CES5A: variants seen among roughly 807,000 people sequenced by gnomAD.
The protein encoded by CES5A is carboxylesterase 5A, also known as carboxylesterase 5.
CES5A carries 67 observed loss-of-function variants against 62.9 expected under a neutral mutation model. That is an observed-to-expected ratio of 1.07 (90% CI 0.88 to 1.31). The LOEUF (loss-of-function observed/expected upper bound fraction) is 1.31. Ranked by LOEUF, CES5A falls within the 50% of genes most tolerant of loss-of-function variation. CES5A has a pLI of 0.00. For synonymous variants in CES5A, 296 were observed against 280.8 expected (o/e 1.05, Z -0.54); for missense variants, 748 against 708.5 (o/e 1.06, Z -0.63).
chr16:55,913,843 C>A (rs1253134403), intron 1 of CES5A, among the ~76,000 whole-genome samples: 2 of 152,140 alleles, frequency 1.3e-5, no homozygotes, highest in Non-Finnish European at 2.9e-5. Flanking sequence ...GCATCTACTG[C>A]CATATGGTGC....
chr16:55,953,948 T>C (rs1382112538), intron 1 of CES5A, among the ~76,000 whole-genome samples: 1 of 152,182 alleles, frequency 6.6e-6, no homozygotes, highest in African/African-American at 2.4e-5. Context: ...CTGTTGACTA[T>C]AGTCAGCCTG....
chr16:55,949,237 G>A (rs1362521521), intron 2 of CES5A, among the ~76,000 whole-genome samples: 1 of 152,204 alleles, frequency 6.6e-6, no homozygotes, highest in African/African-American at 2.4e-5. Context: ...GGAGGAGGCA[G>A]ACTGGGAAGA....
intron 1 of CES5A, among the ~76,000 whole-genome samples, chr16:55,918,880 C>A (rs1229085067): frequency 6.6e-6 from 1 of 152,180 alleles, no homozygotes; most frequent in Non-Finnish European, 1.5e-5. Flanking sequence ...TCTTAGCAAA[C>A]TTTTATCCCT....
At chr16:55,936,494 T>C (rs2034377011) in intron 2 of CES5A, among the ~76,000 whole-genome samples, 1 of 152,184 alleles carries the variant, frequency 6.6e-6, no homozygotes, top group Non-Finnish European at 1.5e-5. Context: ...TCCTATGGTG[T>C]ATCTTTTCTG....
intron 1 of CES5A, among the ~76,000 whole-genome samples, chr16:55,906,118 T>C (rs908305953): frequency 6.6e-6 from 1 of 152,162 alleles, no homozygotes; most frequent in Non-Finnish European, 1.5e-5. Context: ...GGACAAGCAG[T>C]ACATCCTAAG....
intron 1 of CES5A, among the ~76,000 whole-genome samples, chr16:55,912,494 G>C (rs1478358211): frequency 2.0e-5 from 3 of 151,918 alleles, no homozygotes; most frequent in African/African-American, 4.8e-5. Flanking sequence ...AGGAGGAGGA[G>C]GACGAGGAGG....
At chr16:55,923,339 C>A (rs1402701077) in intron 1 of CES5A, among the ~76,000 whole-genome samples, 1 of 151,516 alleles carries the variant, frequency 6.6e-6, no homozygotes, top group East Asian at 1.9e-4. Context: ...GGAGACATAA[C>A]AACTGAGACT....
intron 8 of CES5A, among the ~76,000 whole-genome samples, chr16:55,857,319 TTGGTATGTAGTAAGTGCTTCCTG>T (rs2033262393): frequency 6.6e-6 from 1 of 152,244 alleles, no homozygotes; most frequent in Non-Finnish European, 1.5e-5. Flanking sequence ...ACAATGGTAC[TTGGTATGTAGTAAGTGCTTCCTG>T]TGATTATTTG....
intron 1 of CES5A, among the ~76,000 whole-genome samples, chr16:55,917,999 G>T (rs1265037291): frequency 4.6e-5 from 7 of 152,120 alleles, no homozygotes; most frequent in African/African-American, 1.7e-4. Context: ...GGAGAGAATT[G>T]GCCAAAATAG....
intron 1 of CES5A, among the ~76,000 whole-genome samples, chr16:55,897,203 C>G (rs145796323): frequency 6.6e-6 from 1 of 152,128 alleles, no homozygotes; most frequent in Non-Finnish European, 1.5e-5. Context: ...CAGGGTACCA[C>G]TCCCTGCTGT....
At chr16:55,849,833 G>T in intron 10 of CES5A, 60 bp from the exon 11 acceptor site, 1 of 1,572,628 alleles carries the variant, frequency 6.4e-7, no homozygotes, top group South Asian at 1.1e-5. Flanking sequence ...GGCTGGCTCT[G>T]TGTCCCCACC....
At chr16:55,913,891 G>C (rs1288163931) in intron 1 of CES5A, among the ~76,000 whole-genome samples, 8 of 152,122 alleles carry the variant, frequency 5.3e-5, no homozygotes, top group Admixed American at 5.2e-4. Flanking sequence ...AATCCACACT[G>C]TTCCCACGTC....
intron 1 of CES5A, among the ~76,000 whole-genome samples, chr16:55,882,028 G>T (rs142305549): frequency 6.6e-6 from 1 of 152,236 alleles, no homozygotes; most frequent in Non-Finnish European, 1.5e-5. Flanking sequence ...CTTGAATGTT[G>T]TTTAACTTGT....
chr16:55,907,237 C>G (rs1411414542), intron 1 of CES5A, among the ~76,000 whole-genome samples: 1 of 152,160 alleles, frequency 6.6e-6, no homozygotes, highest in Non-Finnish European at 1.5e-5. Flanking sequence ...GAACGAAACT[C>G]CAGCAGACAG....
chr16:55,872,031 G>A (rs1305457358), intron 2 of CES5A, among the ~76,000 whole-genome samples: 1 of 152,064 alleles, frequency 6.6e-6, no homozygotes, highest in East Asian at 1.9e-4. Context: ...ACCCTCCCAT[G>A]CCTACACCAC....
chr16:55,943,634 G>A (rs1216162979), intron 2 of CES5A, among the ~76,000 whole-genome samples: 1 of 152,200 alleles, frequency 6.6e-6, no homozygotes, highest in Non-Finnish European at 1.5e-5. Flanking sequence ...ATATCCAGTA[G>A]CTTCTCTTTT....
intron 9 of CES5A, 100 bp from the exon 10 acceptor site, chr16:55,853,128 A>G (rs1400478239): frequency 4.1e-6 from 5 of 1,230,664 alleles, no homozygotes; most frequent in Admixed American, 1.9e-5. Flanking sequence ...CTTTACCCAC[A>G]TTGCTTCATT....
chr16:55,859,806 C>G, intron 7 of CES5A, 119 bp from the exon 8 acceptor site: 1 of 850,156 alleles, frequency 1.2e-6, no homozygotes, highest in Non-Finnish European at 1.8e-6. Context: ...CTTAAATGCA[C>G]TTAAAAAGTA....
chr16:55,878,872 A>T (rs2033728881), upstream of CES5A, among the ~76,000 whole-genome samples: 1 of 134,996 alleles, frequency 7.4e-6, no homozygotes, highest in South Asian at 2.5e-4. Flanking sequence ...GCATCCCACC[A>T]CTGCACCCCC....
Sources: gnomAD v4.1 joint callset for allele counts (sites outside exome capture counted in the v4.1 genomes callset) on GRCh38, gnomAD v4.1.1 for gene constraint, MANE v1.5 for transcripts, NCBI Gene and HGNC (gene_info 2026-07-23, HGNC 2026-07-21) for gene names.